Variants in CPLANE1 observed in about 807,000 individuals in gnomAD.
CPLANE1 encodes ciliogenesis and planar polarity effector 1.
Under a neutral mutation model 362.5 loss-of-function variants are expected in CPLANE1, and 263 were observed. The ratio of observed to expected loss-of-function variants is 0.73; its 90% CI spans 0.66 to 0.80. CPLANE1 has a LOEUF of 0.80. CPLANE1 is among the 30% of genes least tolerant of loss of function. The pLI is 0.00. For synonymous variants in CPLANE1, 1,212 were observed against 1,302.6 expected, an observed-to-expected ratio of 0.93 and a Z score of 1.50; for missense variants, 3,461 against 3,793.4, an observed-to-expected ratio of 0.91 and a Z score of 2.30.
At chr5:37,231,660 A>T (rs1450211493) in intron 8 of CPLANE1, among the ~76,000 whole-genome samples, 1 of 152,202 alleles carries the variant, frequency 6.6e-6, no homozygotes, top group Non-Finnish European at 1.5e-5. Context: ...GATAGATTTC[A>T]AGGCCACATC....
chr5:37,218,378 C>T (rs1400962754), intron 15 of CPLANE1, among the ~76,000 whole-genome samples: 1 of 152,188 alleles, frequency 6.6e-6, no homozygotes, highest in Non-Finnish European at 1.5e-5. Context: ...GTTGTCACAA[C>T]TTGTCACTGA....
chr5:37,219,817 T>C (rs1479762269), intron 15 of CPLANE1, among the ~76,000 whole-genome samples: 1 of 152,174 alleles, frequency 6.6e-6, no homozygotes, highest in South Asian at 2.1e-4. Flanking sequence ...TATATACATA[T>C]ACATGTGTCA....
intron 43 of CPLANE1, among the ~76,000 whole-genome samples, chr5:37,144,127 C>A (rs957712165): frequency 6.6e-6 from 1 of 150,942 alleles, no homozygotes; most frequent in South Asian, 2.1e-4. Flanking sequence ...AAAAGAAATA[C>A]GGTCAGGCAC....
chr5:37,110,856 G>A lies in CPLANE1; in HGVS notation c.9401-2385C>T, dbSNP rs568484710. On this transcript the variant is annotated intron_variant, in intron 51 of 52. Transcript: ENST00000651892. ...GGAGTCTCACTCTGTCGCCCAGGCT[G>A]GAGTGCAGTGGCACTATCTTGGCTC... 2.1e-5 allele frequency among the ~76,000 whole-genome samples: 3 copies of A among 142,570 alleles called. No individual in the cohort carries two copies. In the South Asian group the frequency reaches 6.7e-4, roughly 32 times the overall value. The allele number at this position is 142,570 out of a possible 152,430, so 93.5% of individuals were successfully genotyped here.
chr5:37,224,577 T>C lies in CPLANE1; in HGVS notation c.2455A>G (p.Thr819Ala). ...LCHLQANLQSTGDCLNQTLEL... is the reference protein window; with the variant it reads ...LCHLQANLQSAGDCLNQTLEL... ...AAGGTTTGATTCAAGCAATCTCCAG[T>C]ACTCTGTAGGTTAGCCTGCAAATGA... Residue 819 changes from threonine (T) to alanine (A), a missense_variant, in exon 13 of 53, where the codon ACT becomes GCT. By Grantham distance (58) the Thr-to-Ala change is moderately conservative. This residue lies in a region of CPLANE1 where 3,380 missense variants were observed against 3,666.1 expected (regional missense o/e 0.92). Transcript: ENST00000651892. 1.3e-6 allele frequency: 2 copies of C among 1,551,436 alleles called. No homozygotes were observed. Among genetic ancestry groups the C allele is most frequent in the Non-Finnish European group, 1.7e-6 (2 of 1,146,810 alleles).
At position 37,209,333 on chromosome 5, in the gene CPLANE1, C is replaced by G; in HGVS notation, c.2921-2908G>C. The G allele has an allele frequency of 1.1e-6, 1 of 878,586 alleles. No homozygotes were observed. Among genetic ancestry groups the G allele is most frequent in the South Asian group, 1.3e-5 (1 of 76,484 alleles). 54.4% of individuals were successfully genotyped at this position (878,586 alleles called of 1,614,324 possible). A position where few individuals can be genotyped will look rare whatever the true frequency, so the allele number is the denominator to read the frequency against. On this transcript the variant is annotated intron_variant, in intron 16 of 52. Coordinates refer to ENST00000651892, the MANE Select transcript of CPLANE1 (RefSeq NM_001384732.1). This position sits in a 1 kb window ranked among gnomAD's most constrained non-coding sequence, Gnocchi z 4.6. The stretch of plus-strand genomic sequence containing the variant: ...TAAACTCGGGCCACGGCGGGGCGAG[C>G]GAGGCGGGCTCCGGAGGAAGCTGAC...
chr5:37,076,966 G>A, the CPLANE1 span, among the ~76,000 whole-genome samples: 1 of 151,116 alleles, frequency 6.6e-6, no homozygotes, highest in African/African-American at 2.4e-5. Context: ...TCTGTAAAGG[G>A]CCAGAAAATA....
At chr5:37,157,519 T>C in intron 40 of CPLANE1, 99 bp from the exon 41 acceptor site, 1 of 1,142,842 alleles carries the variant, frequency 8.8e-7, no homozygotes, top group Non-Finnish European at 1.3e-6. Flanking sequence ...AATAAGGTAA[T>C]CCGAAGATTA....
At chr5:37,182,280 GTTAA>G (rs1258296802) in intron 26 of CPLANE1, among the ~76,000 whole-genome samples, 2 of 152,072 alleles carry the variant, frequency 1.3e-5, no homozygotes, top group Non-Finnish European at 2.9e-5. Flanking sequence ...AGAAAGAATA[GTTAA>G]TTAAACACTA....
At chr5:37,108,012 G>C in intron 52 of CPLANE1, among the ~76,000 whole-genome samples, 1 of 152,172 alleles carries the variant, frequency 6.6e-6, no homozygotes. Flanking sequence ...TGTGAAGACA[G>C]GGCAGAACGG....
In CPLANE1 at chr5:37,164,302, T is replaced by C. The variant is rs369951498; in HGVS notation, c.7559A>G (p.His2520Arg). 35 of 1,613,262 alleles carry C rather than the reference T, an allele frequency of 2.2e-5. No homozygotes were observed. In the African/African-American group the frequency reaches 4.5e-4, roughly 21 times the overall value. ...AGGAACGTCGAAGTCATCCAAAGGA[T>C]GGGAACCACAATGTTCTTGTTGTTC... ...PKEQQEHCGS[H>R]PLDDFDVPFE... Residue 2520 changes from histidine to arginine, a missense_variant, in exon 37 of 53, where the codon CAT becomes CGT. Transcript: ENST00000651892.
the CPLANE1 span, among the ~76,000 whole-genome samples, chr5:37,081,940 C>T: frequency 3.4e-3 from 514 of 152,026 alleles, 2 homozygotes; most frequent in African/African-American, 0.012. Flanking sequence ...CTGGAGTTTG[C>T]GACCAGCCTA....
chr5:37,118,642 C>T (rs1761741985), intron 50 of CPLANE1, among the ~76,000 whole-genome samples: 1 of 151,746 alleles, frequency 6.6e-6, no homozygotes, highest in Non-Finnish European at 1.5e-5. Flanking sequence ...AAAGTGGGAA[C>T]ATAATAGCAC....
chr5:37,173,991 C>CA lies in CPLANE1; in HGVS notation c.5979-45dup, dbSNP rs555754085. The CA allele has an allele frequency of 8.4e-5, 125 of 1,493,272 alleles. No individual in the cohort carries two copies. In the Middle Eastern group the frequency reaches 8.8e-4, roughly 10 times the overall value. 92.5% of individuals were successfully genotyped at this position (1,493,272 alleles called of 1,614,324 possible). A position where few individuals can be genotyped will look rare whatever the true frequency, so the allele number is the denominator to read the frequency against. ...AATAAAAAACATGCATTAAAATTGA[C>CA]AAAAAACAAATTGAATGTCTATGAT... On this transcript the variant is annotated intron_variant, in intron 31 of 52. Transcript: ENST00000651892.
In CPLANE1 at chr5:37,224,621, G is replaced by A; in HGVS notation, c.2411C>T (p.Thr804Ile). The change falls in exon 13 of 53, where the codon ACT becomes ATT. Residue 804 changes from threonine (T) to isoleucine (I), a missense_variant. Around this residue, in one of 2 missense-constraint regions of CPLANE1, gnomAD observed 3,380 missense variants for 3,666.1 expected, o/e 0.92. Coordinates refer to ENST00000651892, the MANE Select transcript of CPLANE1 (RefSeq NM_001384732.1). ...LTEKMTHEAS[T>I]VKSLLCHLQA... ...CAAATGACATAACAGGGACTTGACAGTAGATGCTTCATGTGTCATCTTTTC... is the reference window on the plus strand; with the variant it reads ...CAAATGACATAACAGGGACTTGACAATAGATGCTTCATGTGTCATCTTTTC... 1.9e-6 allele frequency: 3 copies of A among 1,551,120 alleles called. No individual in the cohort carries two copies. Among genetic ancestry groups the A allele is most frequent in the South Asian group, 1.2e-5 (1 of 84,054 alleles).
intron 15 of CPLANE1, among the ~76,000 whole-genome samples, chr5:37,214,097 T>C (rs1416390257): frequency 1.3e-5 from 2 of 152,120 alleles, no homozygotes; most frequent in Non-Finnish European, 2.9e-5. Flanking sequence ...ATGTCATCAA[T>C]ATAAAAAATA....
intron 43 of CPLANE1, among the ~76,000 whole-genome samples, chr5:37,147,779 C>A (rs959449778): frequency 5.9e-5 from 9 of 151,562 alleles, no homozygotes; most frequent in Non-Finnish European, 1.3e-4. Flanking sequence ...AATACCTCAC[C>A]ACTGCCTGGC....
At chr5:37,112,846 C>A (rs569615869) in intron 51 of CPLANE1, among the ~76,000 whole-genome samples, 30 of 152,256 alleles carry the variant, frequency 2.0e-4, no homozygotes, top group African/African-American at 7.0e-4. Context: ...GAAACAAATA[C>A]CTACAGCTTT....
chr5:37,224,719 T>G lies in CPLANE1; in HGVS notation c.2313A>C (p.Ile771=). The change falls in exon 13 of 53, where the codon ATA becomes ATC. Residue 771 remains isoleucine (I), a synonymous_variant. Coordinates refer to ENST00000651892, the MANE Select transcript of CPLANE1 (RefSeq NM_001384732.1). ...GATACCATAAAGTTTTTTTGTACAGTATTCTCCAGAGAATAAGCAATCTGC... is the reference window on the plus strand; with the variant it reads ...GATACCATAAAGTTTTTTTGTACAGGATTCTCCAGAGAATAAGCAATCTGC... ...PGHRLLILWR[I]LYKKTLWYQA... is the part of the protein sequence containing the mutation. 1 of 1,550,566 alleles carries G rather than the reference T, an allele frequency of 6.4e-7. No individual in the cohort carries two copies. Among genetic ancestry groups the G allele is most frequent in the Non-Finnish European group, 8.7e-7 (1 of 1,146,226 alleles).
Sources: allele counts gnomAD v4.1 joint callset (sites outside exome capture counted in the v4.1 genomes callset), GRCh38; gene constraint gnomAD v4.1.1; regional missense constraint gnomAD v4.1.1; non-coding constraint Gnocchi (gnomAD v3.1); transcripts MANE v1.5; gene names NCBI Gene and HGNC (gene_info 2026-07-23, HGNC 2026-07-21).